The following UBASH3B variants were observed in gnomAD, a reference collection of about 807,000 sequenced individuals.
The protein encoded by UBASH3B is ubiquitin associated and SH3 domain containing B.
Under a neutral mutation model 83.4 loss-of-function variants are expected in UBASH3B, and 37 were observed. The observed-to-expected ratio is 0.44, with a 90% CI of 0.34 to 0.58. UBASH3B has a LOEUF of 0.58. UBASH3B is among the 20% of genes least tolerant of loss of function. The pLI, the probability that UBASH3B is intolerant of heterozygous loss-of-function variation, is 0.01. For synonymous variants in UBASH3B, 304 were observed against 318.3 expected, an observed-to-expected ratio of 0.96 and a Z score of 0.48; for missense variants, 657 against 827.2, an observed-to-expected ratio of 0.79 and a Z score of 2.52.
chr11:122,672,858 C>T (rs1863617141), intron 1 of UBASH3B, among the ~76,000 whole-genome samples: 1 of 152,102 alleles, frequency 6.6e-6, no homozygotes, highest in South Asian at 2.1e-4. Context: ...CCTGGGGGAC[C>T]AGGCTGGGCC....
At chr11:122,789,465 T>C (rs1861013833) in intron 6 of UBASH3B, among the ~76,000 whole-genome samples, 157 bp downstream of exon 6, 1 of 152,090 alleles carries the variant, frequency 6.6e-6, no homozygotes, top group Non-Finnish European at 1.5e-5. Flanking sequence ...ATGGGGAAAA[T>C]GCGAAATGGA....
intron 1 of UBASH3B, among the ~76,000 whole-genome samples, chr11:122,699,368 C>T (rs1864004511): frequency 6.6e-6 from 1 of 152,170 alleles, no homozygotes; most frequent in South Asian, 2.1e-4. Context: ...TCTTAGGAAG[C>T]TGCTATGTGT....
intron 11 of UBASH3B, among the ~76,000 whole-genome samples, chr11:122,804,009 T>G (rs1362465093): frequency 1.3e-5 from 2 of 152,024 alleles, no homozygotes; most frequent in Non-Finnish European, 2.9e-5. Flanking sequence ...CACTTTAAGG[T>G]GCTGGGAGAA....
chr11:122,812,662 T>A lies in UBASH3B; in HGVS notation c.*2776T>A, dbSNP rs1861471077. On this transcript the variant is annotated 3_prime_UTR_variant, in exon 14 of 14. Transcript: ENST00000284273. ...ATTAACTAAAGGTTTTAATCTGGGATTGAAAGCCTGAAAGCATTTCCTGCT... is the reference window on the plus strand; with the variant it reads ...ATTAACTAAAGGTTTTAATCTGGGAATGAAAGCCTGAAAGCATTTCCTGCT... 6.6e-6 allele frequency: 1 copy of A among 152,256 alleles called. No individual in the cohort carries two copies. Among genetic ancestry groups the A allele is most frequent in the African/African-American group, 2.4e-5 (1 of 41,474 alleles). The allele number at this position is 152,256 out of a possible 1,614,324, so 9.4% of individuals were successfully genotyped here. A position where few individuals can be genotyped will look rare whatever the true frequency, so the allele number is the denominator to read the frequency against.
chr11:122,778,496 T>C (rs1237497582), intron 3 of UBASH3B, among the ~76,000 whole-genome samples: 2 of 150,632 alleles, frequency 1.3e-5, no homozygotes, highest in African/African-American at 4.9e-5. Flanking sequence ...TGATACAAAA[T>C]AGTAGAAAAC....
intron 1 of UBASH3B, among the ~76,000 whole-genome samples, chr11:122,706,021 A>G (rs1864114226): frequency 6.6e-6 from 1 of 151,852 alleles, no homozygotes; most frequent in Admixed American, 6.6e-5. Flanking sequence ...CCTCATGTCC[A>G]TTCTGAAGGG....
At chr11:122,776,346 G>A in intron 2 of UBASH3B, 74 bp downstream of exon 2, 5 of 1,398,654 alleles carry the variant, frequency 3.6e-6, no homozygotes, top group South Asian at 2.6e-5. Flanking sequence ...GTGGGGAGGT[G>A]CAGACTTTCT....
In UBASH3B at chr11:122,811,970, C is replaced by T. The variant is rs928398207; in HGVS notation, c.*2084C>T. 2 of 152,186 alleles carry T rather than the reference C, an allele frequency of 1.3e-5. No individual in the cohort carries two copies. The highest frequency in any genetic ancestry group is 2.4e-5 in the African/African-American group (1 of 41,442). 9.4% of individuals were successfully genotyped at this position (152,186 alleles called of 1,614,324 possible). ...TGCTCAGAATAATGCTTGAACACCT[C>T]ACCTTGAAACTGTAGCAGTGTGTTC... On this transcript the variant is annotated 3_prime_UTR_variant, in exon 14 of 14. Coordinates refer to ENST00000284273, the MANE Select transcript of UBASH3B (RefSeq NM_032873.5).
At chr11:122,697,917 G>A (rs149875139) in intron 1 of UBASH3B, among the ~76,000 whole-genome samples, 7 of 152,258 alleles carry the variant, frequency 4.6e-5, no homozygotes, top group Admixed American at 3.3e-4. Flanking sequence ...AACAGCCTCC[G>A]GAAACACATT....
At chr11:122,705,083 C>T (rs1339403977) in intron 1 of UBASH3B, among the ~76,000 whole-genome samples, 1 of 152,152 alleles carries the variant, frequency 6.6e-6, no homozygotes, top group Non-Finnish European at 1.5e-5. Context: ...AAACTATCCC[C>T]GTGGACACAG....
rs2135975023 is a variant in UBASH3B at position 122,759,565 on chromosome 11, A to T, written c.162-16654A>T. 6.6e-6 allele frequency among the ~76,000 whole-genome samples: 1 copy of T among 152,330 alleles called. No homozygotes were observed. Among genetic ancestry groups the T allele is most frequent in the East Asian group, 1.9e-4 (1 of 5,186 alleles). ...GCTTGTTTTCCTGAAACTAGGTGGG[A>T]CCGTCTAGTTGGAGACCCCTGACTT... On this transcript the variant is annotated intron_variant, in intron 1 of 13. Coordinates refer to ENST00000284273, the MANE Select transcript of UBASH3B (RefSeq NM_032873.5). The surrounding 1 kb of genome is among the most constrained non-coding windows in gnomAD (Gnocchi z 4.1).
rs1395696007 is a variant in UBASH3B at position 122,666,419 on chromosome 11, TGTTTTGTTTTTC to T, written c.161+10216_161+10227del. Among the ~76,000 whole-genome samples, 118 of 152,242 alleles carry T rather than the reference TGTTTTGTTTTTC, an allele frequency of 7.8e-4. 1 individual carries two copies. Among genetic ancestry groups the T allele is most frequent in the South Asian group, 5.6e-3 (27 of 4,818 alleles). On this transcript the variant is annotated intron_variant, in intron 1 of 13. Coordinates refer to ENST00000284273, the MANE Select transcript of UBASH3B (RefSeq NM_032873.5). ...TTTGTTTTTTTTTTCTTTTGTTTTT[TGTTTTGTTTTTC>T]GTTTTGAGACGGAGTCTCGCCCTGT...
chr11:122,695,883 T>G (rs1863959134), intron 1 of UBASH3B, among the ~76,000 whole-genome samples: 1 of 152,260 alleles, frequency 6.6e-6, no homozygotes, highest in Non-Finnish European at 1.5e-5. Flanking sequence ...GTTGGGAAGT[T>G]ACTAAATAGT....
At chr11:122,753,067 T>C (rs770961048) in intron 1 of UBASH3B, among the ~76,000 whole-genome samples, 1 of 151,934 alleles carries the variant, frequency 6.6e-6, no homozygotes, top group Non-Finnish European at 1.5e-5. Context: ...GTTTTTCATA[T>C]TCCTGGTAGC....
chr11:122,777,447 G>A (rs1278979837), intron 3 of UBASH3B, among the ~76,000 whole-genome samples: 1 of 152,288 alleles, frequency 6.6e-6, no homozygotes, highest in Admixed American at 6.5e-5. Flanking sequence ...GCACCAGATT[G>A]TAACCCTCTG....
At chr11:122,771,364 C>T (rs962808821) in intron 1 of UBASH3B, among the ~76,000 whole-genome samples, 1 of 152,110 alleles carries the variant, frequency 6.6e-6, no homozygotes, top group African/African-American at 2.4e-5. Context: ...TCCCAAGTAG[C>T]TGGGATTACA....
rs770783292 is a variant in UBASH3B at position 122,777,067 on chromosome 11, C to A, written c.259C>A (p.Pro87Thr). 2 of 1,613,530 alleles carry A rather than the reference C, an allele frequency of 1.2e-6. No homozygotes were observed. The highest frequency in any genetic ancestry group is 1.1e-5 in the South Asian group (1 of 90,994). ...TGACCCCTTCCTGGATGACCCCCTG[C>A]CCCGGGAGTACGTCCTCTACCTCCG... ...VGDPFLDDPL[P>T]REYVLYLRPT... is the part of the protein sequence containing the mutation. Residue 87 changes from proline (P) to threonine (T), a missense_variant, in exon 3 of 14, where the codon CCC (proline) becomes ACC (threonine). Coordinates refer to ENST00000284273, the MANE Select transcript of UBASH3B (RefSeq NM_032873.5).
Position 122,806,356 on chromosome 11 carries a change from C to T in UBASH3B, c.1596-54C>T, listed in dbSNP as rs1861339809. The stretch of plus-strand genomic sequence containing the variant: ...AATAAAAGTTTAGAGTGATATCTTC[C>T]TTTGTCTCAAGATCAAAATGTTTTC... On this transcript the variant is annotated intron_variant, in intron 11 of 13. Transcript: ENST00000284273. This position sits in a 1 kb window ranked among gnomAD's most constrained non-coding sequence, Gnocchi z 4.0. 4 of 1,452,670 alleles carry T rather than the reference C, an allele frequency of 2.8e-6. No individual in the cohort carries two copies. The highest frequency in any genetic ancestry group is 2.3e-5 in the East Asian group (1 of 42,770). 90.0% of individuals were successfully genotyped at this position (1,452,670 alleles called of 1,614,324 possible). A position where few individuals can be genotyped will look rare whatever the true frequency, so the allele number is the denominator to read the frequency against.
chr11:122,674,696 T>TA (rs1863643756), intron 1 of UBASH3B, among the ~76,000 whole-genome samples: 1 of 150,084 alleles, frequency 6.7e-6, no homozygotes, highest in Non-Finnish European at 1.5e-5. Flanking sequence ...ATTGTCTTCT[T>TA]ACTCAGCACA....
Sources: gnomAD v4.1 joint callset for allele counts (sites outside exome capture counted in the v4.1 genomes callset) on GRCh38, gnomAD v4.1.1 for gene constraint, Gnocchi (gnomAD v3.1) non-coding constraint, MANE v1.5 for transcripts, NCBI Gene and HGNC (gene_info 2026-07-23, HGNC 2026-07-21) for gene names.